TSNARE1: variants seen among roughly 807,000 people sequenced by gnomAD.
The protein encoded by TSNARE1 is t-SNARE domain containing 1, also known as t-SNARE domain-containing protein 1.
TSNARE1 carries 49 observed loss-of-function variants against 62.0 expected under a neutral mutation model. The observed-to-expected ratio is 0.79, with a 90% CI of 0.63 to 1.00. The LOEUF is 1.00. Among genes scored for constraint, TSNARE1 ranks in the 50% least tolerant of loss-of-function variants. TSNARE1 has a pLI of 0.00. For missense variants in TSNARE1, 755 were observed against 700.1 expected (o/e 1.08, Z -0.88); for synonymous variants, 328 against 294.4 (o/e 1.11, Z -1.17).
At chr8:142,391,876 G>A (rs1444721670) in intron 1 of TSNARE1, among the ~76,000 whole-genome samples, 2 of 152,242 alleles carry the variant, frequency 1.3e-5, no homozygotes, top group Non-Finnish European at 2.9e-5. Flanking sequence ...AGCCTACTGG[G>A]CTGAGTGGGC....
At chr8:142,376,842 G>A (rs1258416946) in intron 1 of TSNARE1, among the ~76,000 whole-genome samples, 1 of 152,214 alleles carries the variant, frequency 6.6e-6, no homozygotes, top group Non-Finnish European at 1.5e-5. Flanking sequence ...CCGCAGAGAG[G>A]CCAGCCCTTC....
At chr8:142,222,313 CATCCACTA>C (rs1471652746) in intron 13 of TSNARE1, among the ~76,000 whole-genome samples, 1,134 of 40,080 alleles carry the variant, frequency 0.028, 415 homozygotes, top group Non-Finnish European at 0.053. Flanking sequence ...CTCACTCACT[CATCCACTA>C]ATTCACTCAC....
At chr8:142,239,782 C>G (rs1230490014) in intron 12 of TSNARE1, among the ~76,000 whole-genome samples, 1 of 152,172 alleles carries the variant, frequency 6.6e-6, no homozygotes, top group African/African-American at 2.4e-5. Flanking sequence ...ATGTCGGCTC[C>G]TCCTGATGCT....
chr8:142,332,168 A>C (rs544702701), intron 4 of TSNARE1, among the ~76,000 whole-genome samples: 1 of 152,220 alleles, frequency 6.6e-6, no homozygotes. Flanking sequence ...GAGCAGCATC[A>C]CTAAGAGTCA....
At chr8:142,282,871 G>A (rs1821852805) in intron 11 of TSNARE1, among the ~76,000 whole-genome samples, 1 of 141,200 alleles carries the variant, frequency 7.1e-6, no homozygotes, top group African/African-American at 2.7e-5. Context: ...GAGCAGAGGG[G>A]AGGCCACTGT....
At chr8:142,353,204 C>T (rs1834330907) in intron 2 of TSNARE1, among the ~76,000 whole-genome samples, 4 of 152,148 alleles carry the variant, frequency 2.6e-5, no homozygotes, top group Admixed American at 2.6e-4. Flanking sequence ...TCTGGGCTGG[C>T]AGTCCTAGTC....
intron 12 of TSNARE1, among the ~76,000 whole-genome samples, chr8:142,267,545 C>A (rs1168098814): frequency 6.6e-6 from 1 of 152,200 alleles, no homozygotes; most frequent in Non-Finnish European, 1.5e-5. Flanking sequence ...CTGGACATGA[C>A]CCTGCAGCTT....
At chr8:142,373,693 A>G (rs919504953) in intron 1 of TSNARE1, among the ~76,000 whole-genome samples, 13 of 151,006 alleles carry the variant, frequency 8.6e-5, no homozygotes, top group Non-Finnish European at 1.8e-4. Context: ...CAGGCAAGGA[A>G]GGGCCGAGCA....
intron 13 of TSNARE1, among the ~76,000 whole-genome samples, chr8:142,228,862 G>A (rs550596932): frequency 1.3e-5 from 2 of 152,280 alleles, no homozygotes; most frequent in East Asian, 1.9e-4. Flanking sequence ...AGGATGAATG[G>A]TGGATGGGTG....
At chr8:142,382,084 T>C (rs369402258) in intron 1 of TSNARE1, among the ~76,000 whole-genome samples, 165 of 152,284 alleles carry the variant, frequency 1.1e-3, no homozygotes, top group African/African-American at 3.9e-3. Flanking sequence ...GCATCAGCCC[T>C]GTGCAGCCTC....
rs934614598 is a variant in TSNARE1 at position 142,291,945 on chromosome 8, G to A, written c.1291-7460C>T. Among the ~76,000 whole-genome samples, 2 of 151,944 alleles carry A rather than the reference G, an allele frequency of 1.3e-5. No individual in the cohort carries two copies. The highest frequency in any genetic ancestry group is 6.6e-5 in the Admixed American group (1 of 15,248). ...GGGGTCAGCTGCCTCTCCCGTGGACGGTCACAGCAACGCACGCCCCCCCCG... is the reference window on the plus strand; with the variant it reads ...GGGGTCAGCTGCCTCTCCCGTGGACAGTCACAGCAACGCACGCCCCCCCCG... On this transcript the variant is annotated intron_variant, in intron 10 of 13. Coordinates refer to ENST00000524325, the MANE Select transcript of TSNARE1 (RefSeq NM_145003.5). The surrounding 1 kb of genome is among the most constrained non-coding windows in gnomAD (Gnocchi z 4.8).
At position 142,273,181 on chromosome 8, in the gene TSNARE1, C is replaced by T. The variant is rs934244258; in HGVS notation, c.1446+1600G>A. On this transcript the variant is annotated intron_variant, in intron 12 of 13. Transcript: ENST00000524325. ...GCCCAGTTGCCACTGCCCTCCTTTC[C>T]TCCTCCTCCTTCACCTCCTCCTCTT... 5 of 984,844 alleles carry T rather than the reference C, an allele frequency of 5.1e-6. No homozygotes were observed. The Admixed American group carries it at 1.8e-4, about 36-fold the overall frequency. 61.0% of individuals were successfully genotyped at this position (984,844 alleles called of 1,614,324 possible).
chr8:142,237,173 T>A (rs1354200731), intron 12 of TSNARE1, among the ~76,000 whole-genome samples: 1 of 152,132 alleles, frequency 6.6e-6, no homozygotes, highest in Non-Finnish European at 1.5e-5. Context: ...CCGACTCACC[T>A]GCCGCCTGCA....
intron 1 of TSNARE1, among the ~76,000 whole-genome samples, chr8:142,363,876 A>G (rs1835340431): frequency 6.6e-6 from 1 of 152,200 alleles, no homozygotes; most frequent in South Asian, 2.1e-4. Context: ...GTCTGGTCAC[A>G]CCTGCTCACA....
chr8:142,292,494 G>A (rs907685442), intron 10 of TSNARE1, among the ~76,000 whole-genome samples: 21 of 152,270 alleles, frequency 1.4e-4, no homozygotes, highest in African/African-American at 4.1e-4. Flanking sequence ...GGTGGGTGGC[G>A]GGCACAGACA....
chr8:142,358,808 G>A (rs1265546976), intron 1 of TSNARE1, among the ~76,000 whole-genome samples: 1 of 152,050 alleles, frequency 6.6e-6, no homozygotes, highest in Non-Finnish European at 1.5e-5. Flanking sequence ...GACCACAAGG[G>A]GCCATGGGGT....
Position 142,236,086 on chromosome 8 carries a change from G to A in TSNARE1, c.1447-6507C>T, listed in dbSNP as rs149091362. ...GGCTCCAGCCACAGCCTCACCGCGTGGCCATGAGGCTCTGCCCATTCGAGG... is the reference window on the plus strand; with the variant it reads ...GGCTCCAGCCACAGCCTCACCGCGTAGCCATGAGGCTCTGCCCATTCGAGG... On this transcript the variant is annotated intron_variant, in intron 12 of 13. Coordinates refer to ENST00000524325, the MANE Select transcript of TSNARE1 (RefSeq NM_145003.5). 6.9e-3 allele frequency among the ~76,000 whole-genome samples: 1,046 copies of A among 152,316 alleles called. 8 individuals carry two copies. The highest frequency in any genetic ancestry group is 0.017 in the Middle Eastern group (5 of 294).
intron 9 of TSNARE1, among the ~76,000 whole-genome samples, chr8:142,308,862 G>C (rs932982204): frequency 2.0e-5 from 3 of 152,210 alleles, no homozygotes; most frequent in Admixed American, 6.5e-5. Flanking sequence ...GGTGAGAGCT[G>C]ACATCTCCAT....
At chr8:142,228,349 T>A (rs1477684016) in intron 13 of TSNARE1, among the ~76,000 whole-genome samples, 1 of 152,226 alleles carries the variant, frequency 6.6e-6, no homozygotes. Flanking sequence ...GGCCTTCCCA[T>A]GTTCTGTCCC....
Sources: gnomAD v4.1 joint callset for allele counts (sites outside exome capture counted in the v4.1 genomes callset) on GRCh38, gnomAD v4.1.1 for gene constraint, Gnocchi (gnomAD v3.1) non-coding constraint, MANE v1.5 for transcripts, NCBI Gene and HGNC (gene_info 2026-07-23, HGNC 2026-07-21) for gene names.